The following CAMSAP2 variants were observed in gnomAD, a reference collection of about 807,000 sequenced individuals.
The protein encoded by CAMSAP2 is calmodulin-regulated spectrin-associated protein 2.
CAMSAP2 carries 26 observed loss-of-function variants against 146.1 expected under a neutral mutation model. The ratio of observed to expected loss-of-function variants is 0.18; its 90% confidence interval spans 0.13 to 0.25. The LOEUF (loss-of-function observed/expected upper bound fraction) is 0.25. CAMSAP2 is among the 10% of genes least tolerant of loss of function. CAMSAP2 has a pLI of 1.00. For missense variants in CAMSAP2, 1,381 were observed against 1,759.3 expected, an observed-to-expected ratio of 0.78 and a Z score of 3.85; for synonymous variants, 499 against 596.6, an observed-to-expected ratio of 0.84 and a Z score of 2.38.
chr1:200,748,296 G>A (rs1353172209), intron 1 of CAMSAP2, among the ~76,000 whole-genome samples: 1 of 152,078 alleles, frequency 6.6e-6, no homozygotes, highest in Non-Finnish European at 1.5e-5. Flanking sequence ...CCATCTATAC[G>A]TGTATCAGTA....
intron 4 of CAMSAP2, among the ~76,000 whole-genome samples, chr1:200,819,954 TACTG>T (rs1247498632): frequency 2.0e-5 from 3 of 152,196 alleles, no homozygotes; most frequent in Non-Finnish European, 2.9e-5. Flanking sequence ...ATGTGGGAAT[TACTG>T]AGTGGATGAA....
At chr1:200,767,020 T>C (rs1664972623) in intron 2 of CAMSAP2, among the ~76,000 whole-genome samples, 1 of 152,038 alleles carries the variant, frequency 6.6e-6, no homozygotes, top group Non-Finnish European at 1.5e-5. Flanking sequence ...TGGACATGAG[T>C]TAATTGATAC....
At position 200,858,397 on chromosome 1, in the gene CAMSAP2, A is replaced by G. The variant is rs909157092; in HGVS notation, c.*338A>G. ...TCATTGAAATATGGTTAAGATTACA[A>G]ATTATGTGTTTTATTTGTTGCTTTT... On this transcript the variant is annotated 3_prime_UTR_variant, in exon 17 of 17. Transcript: ENST00000358823. The G allele has an allele frequency of 1.0e-5, 2 of 193,150 alleles. No individual in the cohort carries two copies. Among genetic ancestry groups the G allele is most frequent in the Admixed American group, 6.1e-5 (1 of 16,524 alleles). The allele number at this position is 193,150 out of a possible 1,614,324, so 12.0% of individuals were successfully genotyped here. A position where few individuals can be genotyped will look rare whatever the true frequency, so the allele number is the denominator to read the frequency against.
At chr1:200,756,285 T>C (rs968775815) in intron 1 of CAMSAP2, among the ~76,000 whole-genome samples, 3 of 152,032 alleles carry the variant, frequency 2.0e-5, no homozygotes, top group Middle Eastern at 3.4e-3. Flanking sequence ...AAACCCCATC[T>C]CTACGAAAAA....
chr1:200,848,470 C>T lies in CAMSAP2; in HGVS notation c.1701C>T (p.Gly567=), dbSNP rs367928611. Residue 567 remains glycine, a synonymous_variant, in exon 11 of 17, where the codon GGC becomes GGT. Transcript: ENST00000358823. The part of the protein sequence containing the change: ...HTPQPDQIAN[G]FFLHSQEMSI... ...CTCAGCCAGACCAAATTGCTAATGGCTTCTTTCTTCATAGTCAAGAAATGA... is the reference window on the plus strand; with the variant it reads ...CTCAGCCAGACCAAATTGCTAATGGTTTCTTTCTTCATAGTCAAGAAATGA... 3.8e-5 allele frequency: 61 copies of T among 1,613,136 alleles called. No homozygotes were observed. The highest frequency in any genetic ancestry group is 6.7e-5 in the Admixed American group (4 of 59,860).
intron 2 of CAMSAP2, among the ~76,000 whole-genome samples, chr1:200,789,253 G>A (rs114130390): frequency 0.015 from 2,214 of 152,118 alleles, 35 homozygotes; most frequent in Non-Finnish European, 0.023. Flanking sequence ...AGAAGTCATT[G>A]CCAAGCCCAA....
chr1:200,753,440 A>T (rs1200682301), intron 1 of CAMSAP2, among the ~76,000 whole-genome samples: 1 of 152,094 alleles, frequency 6.6e-6, no homozygotes, highest in Non-Finnish European at 1.5e-5. Context: ...GCAGGAGCTG[A>T]CTGGGTGCCT....
chr1:200,849,645 C>T lies in CAMSAP2; in HGVS notation c.2876C>T (p.Ser959Phe). ...GACTCCCCTCGTCCTACTCACCCAT[C>T]TCCACAGTCTTCTAACAGGAAAAGT... ...SSDSPRPTHP[S>F]PQSSNRKSAS... Residue 959 changes from serine to phenylalanine, a missense_variant, in exon 11 of 17, where the codon TCT becomes TTT. By Grantham distance (155) the Ser-to-Phe change is radical (BLOSUM62 -2). Around this residue, in one of 4 missense-constraint regions of CAMSAP2, gnomAD observed 560 missense variants for 715.9 expected, o/e 0.78. Transcript: ENST00000358823. This position sits in a 1 kb window ranked among gnomAD's most constrained non-coding sequence, Gnocchi z 6.3. 1.9e-6 allele frequency: 3 copies of T among 1,614,212 alleles called. No homozygotes were observed. The highest frequency in any genetic ancestry group is 2.5e-6 in the Non-Finnish European group (3 of 1,180,034).
chr1:200,839,710 G>C (rs1275216775), intron 6 of CAMSAP2, among the ~76,000 whole-genome samples: 1 of 152,116 alleles, frequency 6.6e-6, no homozygotes, highest in Non-Finnish European at 1.5e-5. Context: ...AAAAAAGCAG[G>C]AGGGAGGTGA....
At chr1:200,833,069 A>C (rs1390390222) in intron 6 of CAMSAP2, among the ~76,000 whole-genome samples, 2 of 152,096 alleles carry the variant, frequency 1.3e-5, no homozygotes, top group East Asian at 3.9e-4. Flanking sequence ...TCACAAAATA[A>C]ATAAATAAAA....
At position 200,858,154 on chromosome 1, in the gene CAMSAP2, TATTA is replaced by T. The variant is rs1667794084; in HGVS notation, c.*101_*104del. The T allele has an allele frequency of 8.9e-7, 1 of 1,127,974 alleles. No homozygotes were observed. The highest frequency in any genetic ancestry group is 1.3e-6 in the Non-Finnish European group (1 of 795,550). The allele number at this position is 1,127,974 out of a possible 1,614,324, so 69.9% of individuals were successfully genotyped here. A position where few individuals can be genotyped will look rare whatever the true frequency, so the allele number is the denominator to read the frequency against. The stretch of plus-strand genomic sequence containing the variant: ...TCTTTCTAATTGCCAACAAGACTTT[TATTA>T]ATTAAAACTGGACATTAAGCTCTGT... On this transcript the variant is annotated 3_prime_UTR_variant, in exon 17 of 17. Transcript: ENST00000358823.
At chr1:200,747,786 G>A (rs999982831) in intron 1 of CAMSAP2, among the ~76,000 whole-genome samples, 10 of 152,036 alleles carry the variant, frequency 6.6e-5, no homozygotes, top group Non-Finnish European at 1.5e-4. Context: ...CGAGGCAGGC[G>A]GATCACGAGG....
chr1:200,829,401 T>C (rs778800595), intron 4 of CAMSAP2, among the ~76,000 whole-genome samples: 123 of 151,996 alleles, frequency 8.1e-4, no homozygotes, highest in Admixed American at 1.7e-3. Context: ...TTTTAAAAAA[T>C]TATCTTTTTG....
intron 4 of CAMSAP2, among the ~76,000 whole-genome samples, chr1:200,824,392 TG>T (rs1666851644): frequency 6.6e-6 from 1 of 152,198 alleles, no homozygotes. Flanking sequence ...CTGTAAAATC[TG>T]GGCACTAAGT....
chr1:200,807,647 C>G, intron 3 of CAMSAP2, 110 bp downstream of exon 3: 1 of 707,632 alleles, frequency 1.4e-6, no homozygotes, highest in Non-Finnish European at 2.0e-6. Context: ...AAAGTGCAAA[C>G]TTAAGTTGTA....
chr1:200,814,155 G>GGGGGGGGGGGGGGGGGGGGGGGGGGGGGT (rs1666414341), intron 3 of CAMSAP2, among the ~76,000 whole-genome samples: 1 of 84,818 alleles, frequency 1.2e-5, no homozygotes, highest in African/African-American at 4.6e-5. Context: ...GGCGGGTGGG[G>GGGGGGGGGGGGGGGGGGGGGGGGGGGGGT]AATGAAAATA....
intron 11 of CAMSAP2, 90 bp downstream of exon 11, chr1:200,850,324 T>A: frequency 2.7e-6 from 3 of 1,110,452 alleles, no homozygotes; most frequent in Non-Finnish European, 2.6e-6. Context: ...CATGCTTGCT[T>A]CTTTCAGTAG....
In CAMSAP2 at chr1:200,852,753, T is replaced by C; in HGVS notation, c.3602+76T>C. ...GGCATATTTAGAAAAAGTTGGTAAGTACTCAAAGAGGTGGTCTCTCATTAA... is the reference window on the plus strand; with the variant it reads ...GGCATATTTAGAAAAAGTTGGTAAGCACTCAAAGAGGTGGTCTCTCATTAA... On this transcript the variant is annotated intron_variant, in intron 12 of 16. Transcript: ENST00000358823. 3 of 1,453,036 alleles carry C rather than the reference T, an allele frequency of 2.1e-6. No homozygotes were observed. In the South Asian group the frequency reaches 4.3e-5, roughly 21 times the overall value. The allele number at this position is 1,453,036 out of a possible 1,614,324, so 90.0% of individuals were successfully genotyped here.
intron 2 of CAMSAP2, among the ~76,000 whole-genome samples, chr1:200,805,793 T>C (rs1311817272): frequency 2.0e-5 from 3 of 151,962 alleles, no homozygotes; most frequent in African/African-American, 7.3e-5. Flanking sequence ...GAGAAGGAAA[T>C]GGTAGATTCT....
Sources: allele counts gnomAD v4.1 joint callset (sites outside exome capture counted in the v4.1 genomes callset), GRCh38; gene constraint gnomAD v4.1.1; regional missense constraint gnomAD v4.1.1; non-coding constraint Gnocchi (gnomAD v3.1); transcripts MANE v1.5; gene names NCBI Gene and HGNC (gene_info 2026-07-23, HGNC 2026-07-21).